NUP43: variants seen among roughly 807,000 people sequenced by gnomAD.
NUP43 encodes nucleoporin 43.
In NUP43, 32 loss-of-function variants were observed where a neutral mutation model predicts 47.3. That is an observed-to-expected ratio of 0.68 (90% confidence interval 0.51 to 0.91). NUP43 has a LOEUF of 0.91. Ranked by LOEUF, NUP43 falls within the 40% of genes least tolerant of loss-of-function variation. NUP43 has a pLI of 0.00. For synonymous variants in NUP43, 147 were observed against 158.4 expected (o/e 0.93, Z 0.54); for missense variants, 444 against 453.9 (o/e 0.98, Z 0.20).
At chr6:149,732,896 T>A (rs182533345) in intron 6 of NUP43, among the ~76,000 whole-genome samples, 2 of 151,816 alleles carry the variant, frequency 1.3e-5, no homozygotes, top group Non-Finnish European at 2.9e-5. Flanking sequence ...TATTACTTTA[T>A]GAAAAAGCTT....
intron 4 of NUP43, among the ~76,000 whole-genome samples, chr6:149,738,994 GTTTC>G (rs776633340): frequency 1.1e-4 from 16 of 149,058 alleles, no homozygotes; most frequent in African/African-American, 1.7e-4. Flanking sequence ...ACTGTTTTCT[GTTTC>G]TTTTTTTTTT....
At chr6:149,748,079 G>T (rs1027136055), upstream of NUP43, among the ~76,000 whole-genome samples, 2 of 152,228 alleles carry the variant, frequency 1.3e-5, no homozygotes, top group Non-Finnish European at 2.9e-5. Flanking sequence ...ACTTTGGGAG[G>T]CCAAGGCAGG....
intron 4 of NUP43, among the ~76,000 whole-genome samples, chr6:149,739,909 C>T (rs543530754): frequency 6.6e-6 from 1 of 152,114 alleles, no homozygotes; most frequent in Non-Finnish European, 1.5e-5. Context: ...GAACTTATGC[C>T]TCATAATTTA....
At chr6:149,747,803 G>T (rs912580947), upstream of NUP43, among the ~76,000 whole-genome samples, 5 of 152,092 alleles carry the variant, frequency 3.3e-5, no homozygotes, top group African/African-American at 1.2e-4. Context: ...ATGTGATATT[G>T]GTAGTCCTAC....
intron 1 of NUP43, 142 bp from the exon 2 acceptor site, chr6:149,746,204 G>A: frequency 3.1e-6 from 4 of 1,311,034 alleles, no homozygotes; most frequent in South Asian, 1.4e-5. Context: ...ACGAGGCTCA[G>A]GCATGCCATC....
chr6:149,744,749 T>C (rs1785873038), intron 2 of NUP43, among the ~76,000 whole-genome samples: 2 of 150,846 alleles, frequency 1.3e-5, no homozygotes, highest in African/African-American at 4.9e-5. Context: ...GGCAGGAGAA[T>C]TGCTTGAACC....
At chr6:149,734,000 T>C (rs1785192097) in intron 6 of NUP43, among the ~76,000 whole-genome samples, 2 of 151,758 alleles carry the variant, frequency 1.3e-5, no homozygotes, top group Admixed American at 1.3e-4. Flanking sequence ...AATTTTGTAT[T>C]TTTAGTAGCG....
chr6:149,727,376 T>C (rs1435514465), intron 7 of NUP43, 178 bp from the exon 8 acceptor site: 2 of 984,072 alleles, frequency 2.0e-6, no homozygotes, highest in Non-Finnish European at 2.4e-6. Context: ...TATTCAGTGA[T>C]ATTAAATATT....
chr6:149,731,747 G>A lies in NUP43; in HGVS notation c.791-12C>T. On this transcript the variant is annotated splice_polypyrimidine_tract_variant and intron_variant, in intron 6 of 7. Transcript: ENST00000340413. ...GTGAACTTCCCACACTAAGAGACAA[G>A]AATCAATAAGCTCATTCCTGTGCAG... 6.2e-7 allele frequency: 1 copy of A among 1,612,940 alleles called. No homozygotes were observed. Among genetic ancestry groups the A allele is most frequent in the South Asian group, 1.1e-5 (1 of 90,890 alleles).
Position 149,742,444 on chromosome 6 carries a change from C to T in NUP43, c.448G>A (p.Asp150Asn). The change falls in exon 4 of 8, where the codon GAT becomes AAT. Residue 150 changes from aspartate (D) to asparagine (N), a missense_variant. By Grantham distance (23) the Asp-to-Asn change is conservative (BLOSUM62 1). Coordinates refer to ENST00000340413, the MANE Select transcript of NUP43 (RefSeq NM_198887.3). ...NNPEIVTVGE[D>N]GRINLFRADH... ...GCTCTGAAGAGATTTATTCGACCATCCTCTCCAACTGTAACGATTTCTGGG... is the reference window on the plus strand; with the variant it reads ...GCTCTGAAGAGATTTATTCGACCATTCTCTCCAACTGTAACGATTTCTGGG... 6.2e-7 allele frequency: 1 copy of T among 1,614,206 alleles called. No homozygotes were observed. The highest frequency in any genetic ancestry group is 8.5e-7 in the Non-Finnish European group (1 of 1,180,036).
chr6:149,737,951 A>G (rs1003776651), intron 5 of NUP43, among the ~76,000 whole-genome samples: 1 of 152,108 alleles, frequency 6.6e-6, no homozygotes, highest in Non-Finnish European at 1.5e-5. Context: ...TCGGCCTCCC[A>G]AAGTGCTGGG....
intron 7 of NUP43, 154 bp downstream of exon 7, chr6:149,731,458 GA>G (rs1785033532): frequency 1.8e-6 from 1 of 564,540 alleles, no homozygotes; most frequent in African/African-American, 1.9e-5. Flanking sequence ...GGCTACTCGG[GA>G]GGCTGAGGCA....
chr6:149,746,691 C>G, upstream of NUP43: 2 of 1,532,484 alleles, frequency 1.3e-6, no homozygotes, highest in Non-Finnish European at 1.8e-6. Context: ...CACAGAGCAG[C>G]TCTGAGCAAA....
At position 149,737,880 on chromosome 6, in the gene NUP43, G is replaced by A. The variant is rs1341092652; in HGVS notation, c.638+763C>T. On this transcript the variant is annotated intron_variant, in intron 5 of 7. Transcript: ENST00000340413. ...TAGTTTTTGTATTTTTAGTAGAGAC[G>A]GGGTTTCACTGTGTTGGCCAGGCTG... is the stretch of plus-strand genomic sequence containing the variant. Among the ~76,000 whole-genome samples the A allele has an allele frequency of 5.9e-5, 9 of 152,010 alleles. 1 individual carries two copies. The highest frequency in any genetic ancestry group is 3.9e-4 in the Admixed American group (6 of 15,240).
Position 149,727,101 on chromosome 6 carries a change from T to A in NUP43, c.1011A>T (p.Lys337Asn). ...ISSWLSTDPA[K>N]DRIEITSLLP... ...GTAAGCTTGTGATTTCAATTCGGTC[T>A]TTTGCAGGATCAGTGCTGAGCCAGG... Residue 337 changes from lysine (K) to asparagine (N), a missense_variant, in exon 8 of 8, where the codon AAA becomes AAT. Lys to Asn is a moderately conservative substitution (Grantham distance 94). Transcript: ENST00000340413. 2 of 1,614,176 alleles carry A rather than the reference T, an allele frequency of 1.2e-6. No individual in the cohort carries two copies. Among genetic ancestry groups the A allele is most frequent in the Non-Finnish European group, 1.7e-6 (2 of 1,180,014 alleles).
At chr6:149,739,002 T>C (rs1193660856) in intron 4 of NUP43, among the ~76,000 whole-genome samples, 2 of 151,772 alleles carry the variant, frequency 1.3e-5, no homozygotes, top group Non-Finnish European at 2.9e-5. Flanking sequence ...CTGTTTCTTT[T>C]TTTTTTTTTT....
chr6:149,729,505 G>A (rs1784930120), intron 7 of NUP43: 17 of 984,384 alleles, frequency 1.7e-5, no homozygotes, highest in Non-Finnish European at 1.9e-5. Flanking sequence ...CTGGTTGAGG[G>A]AGCGCCTTTT....
chr6:149,735,816 A>G (rs1785305951), intron 6 of NUP43, among the ~76,000 whole-genome samples: 1 of 150,812 alleles, frequency 6.6e-6, no homozygotes, highest in Non-Finnish European at 1.5e-5. Context: ...ACAAACAACA[A>G]CAAAAAATCA....
intron 6 of NUP43, among the ~76,000 whole-genome samples, chr6:149,735,701 A>G (rs959810878): frequency 6.6e-6 from 1 of 151,190 alleles, no homozygotes; most frequent in Non-Finnish European, 1.5e-5. Context: ...GTGGTGGCTC[A>G]TAACTCATAC....
Sources: gnomAD v4.1 joint callset for allele counts (sites outside exome capture counted in the v4.1 genomes callset) on GRCh38, gnomAD v4.1.1 for gene constraint, MANE v1.5 for transcripts, NCBI Gene and HGNC (gene_info 2026-07-23, HGNC 2026-07-21) for gene names.